NR2C1: variants seen among roughly 807,000 people sequenced by gnomAD.
The protein encoded by NR2C1 is nuclear receptor subfamily 2 group C member 1, also known as TR2 nuclear hormone receptor.
NR2C1 carries 33 observed loss-of-function variants against 74.8 expected under a neutral mutation model. The ratio of observed to expected loss-of-function variants is 0.44; its 90% CI spans 0.33 to 0.59. The LOEUF is 0.59. NR2C1 is among the 20% of genes least tolerant of loss of function. The pLI, the probability that NR2C1 is intolerant of heterozygous loss-of-function variation, is 0.02. For missense variants in NR2C1, 568 were observed against 715.6 expected, an observed-to-expected ratio of 0.79 and a Z score of 2.35; for synonymous variants, 225 against 240.6, an observed-to-expected ratio of 0.94 and a Z score of 0.60.
At chr12:95,060,152 T>TC (rs1874573785) in intron 3 of NR2C1, among the ~76,000 whole-genome samples, 168 bp from the exon 4 acceptor site, 1 of 152,112 alleles carries the variant, frequency 6.6e-6, no homozygotes, top group Admixed American at 6.6e-5. Flanking sequence ...TCAGAACCTT[T>TC]CCACATGTAA....
At chr12:95,040,241 A>G (rs1055292056) in intron 10 of NR2C1, among the ~76,000 whole-genome samples, 4 of 152,196 alleles carry the variant, frequency 2.6e-5, no homozygotes, top group African/African-American at 7.2e-5. Context: ...TCTACTGATC[A>G]TATTCCATCC....
At chr12:95,048,069 G>A (rs1012444146) in intron 9 of NR2C1, among the ~76,000 whole-genome samples, 1 of 152,118 alleles carries the variant, frequency 6.6e-6, no homozygotes, top group African/African-American at 2.4e-5. Flanking sequence ...TAAATAATTT[G>A]TATCTTTTTA....
At chr12:95,022,720 A>C (rs1392911074) in intron 13 of NR2C1, among the ~76,000 whole-genome samples, 1 of 134,386 alleles carries the variant, frequency 7.4e-6, no homozygotes, top group Non-Finnish European at 1.6e-5. Flanking sequence ...TTTTTTTGAG[A>C]GAGGGCCTCG....
At chr12:95,071,277 T>C (rs1241624399) in intron 1 of NR2C1, among the ~76,000 whole-genome samples, 1 of 152,188 alleles carries the variant, frequency 6.6e-6, no homozygotes, top group Non-Finnish European at 1.5e-5. Context: ...AATTATTTTG[T>C]AGACTAAGGT....
intron 1 of NR2C1, 50 bp from the exon 2 acceptor site, chr12:95,067,441 A>G: frequency 7.9e-7 from 1 of 1,259,706 alleles, no homozygotes; most frequent in African/African-American, 1.5e-5. Flanking sequence ...AAACACTCTT[A>G]TTAAATAATT....
chr12:95,057,805 T>G lies in NR2C1; in HGVS notation c.618A>C (p.Lys206Asn), dbSNP rs1403745201. The G allele has an allele frequency of 6.2e-7, 1 of 1,614,172 alleles. No individual in the cohort carries two copies. The highest frequency in any genetic ancestry group is 1.7e-5 in the Admixed American group (1 of 60,026). ...TACGAAGGTCCTTTCGGATATAGAT[T>G]TTTTCTGTTGAAGCGGCACAGTTGG... ...KSSNCAASTE[K>N]IYIRKDLRSP... Residue 206 changes from lysine (K) to asparagine (N), a missense_variant, in exon 6 of 14, where the codon AAA (lysine) becomes AAC (asparagine). Coordinates refer to ENST00000333003, the MANE Select transcript of NR2C1 (RefSeq NM_003297.4).
chr12:95,054,467 T>C (rs1198916496), intron 7 of NR2C1, among the ~76,000 whole-genome samples: 1 of 152,106 alleles, frequency 6.6e-6, no homozygotes, highest in African/African-American at 2.4e-5. Context: ...CCACCATGCC[T>C]GGGTAATTTT....
intron 9 of NR2C1, among the ~76,000 whole-genome samples, chr12:95,042,185 A>G (rs1403978436): frequency 6.6e-6 from 1 of 150,870 alleles, no homozygotes; most frequent in East Asian, 1.9e-4. Flanking sequence ...CTGGGGAATG[A>G]CTATTATAGC....
chr12:95,039,081 A>G (rs188465061), intron 10 of NR2C1, among the ~76,000 whole-genome samples: 19 of 152,178 alleles, frequency 1.2e-4, no homozygotes, highest in Admixed American at 1.1e-3. Flanking sequence ...AACAAAAAAA[A>G]CCCCAGAAAA....
chr12:95,029,603 G>A (rs34656650), intron 11 of NR2C1, among the ~76,000 whole-genome samples: 9,819 of 149,500 alleles, frequency 0.066, 395 homozygotes, highest in East Asian at 0.15. Flanking sequence ...TGTCGCCCAG[G>A]CTGGAGTGCA....
chr12:95,041,820 T>A (rs186005634), intron 9 of NR2C1, among the ~76,000 whole-genome samples: 2 of 152,328 alleles, frequency 1.3e-5, no homozygotes, highest in Admixed American at 6.5e-5. Context: ...AATACTTGCA[T>A]ACATGCACAA....
intron 1 of NR2C1, among the ~76,000 whole-genome samples, chr12:95,069,632 T>C (rs1368576863): frequency 6.6e-6 from 1 of 152,168 alleles, no homozygotes; most frequent in Non-Finnish European, 1.5e-5. Flanking sequence ...TCAGAACACA[T>C]CCCCATAACA....
At chr12:95,052,211 C>T (rs1307925896) in intron 7 of NR2C1, among the ~76,000 whole-genome samples, 3 of 151,126 alleles carry the variant, frequency 2.0e-5, no homozygotes, top group Admixed American at 6.6e-5. Flanking sequence ...GCTGGAGTGC[C>T]GTGGCATGAT....
At chr12:95,059,852 C>T (rs1388845901) in intron 4 of NR2C1, 54 bp downstream of exon 4, 2 of 1,261,316 alleles carry the variant, frequency 1.6e-6, no homozygotes, top group East Asian at 4.7e-5. Flanking sequence ...CAACACGACA[C>T]ATATAGGAGG....
At chr12:95,052,744 C>G (rs1448261469) in intron 7 of NR2C1, among the ~76,000 whole-genome samples, 1 of 152,000 alleles carries the variant, frequency 6.6e-6, no homozygotes, top group African/African-American at 2.4e-5. Context: ...ACTATACAAA[C>G]TATAAACTTG....
intron 1 of NR2C1, among the ~76,000 whole-genome samples, 185 bp from the exon 2 acceptor site, chr12:95,067,576 T>A (rs1345351814): frequency 7.2e-6 from 1 of 138,274 alleles, no homozygotes; most frequent in Non-Finnish European, 1.6e-5. Context: ...GTCTTTTTTA[T>A]TTTTTTTTTT....
Position 95,039,184 on chromosome 12 carries a change from A to G in NR2C1, c.1253+1292T>C, listed in dbSNP as rs980871413. On this transcript the variant is annotated intron_variant, in intron 10 of 13. Transcript: ENST00000333003. Reference sequence around the variant, plus strand: ...AATCAGGCTTTTAGTCTATGTAACTATAATATCTGAGCACATGATTTAATG... The same window carrying G: ...AATCAGGCTTTTAGTCTATGTAACTGTAATATCTGAGCACATGATTTAATG... Among the ~76,000 whole-genome samples the G allele has an allele frequency of 5.9e-5, 9 of 152,264 alleles. No homozygotes were observed. The East Asian group carries it at 1.5e-3, about 26-fold the overall frequency.
At chr12:95,030,678 A>G (rs753206966) in intron 11 of NR2C1, 1 of 1,605,762 alleles carries the variant, frequency 6.2e-7, no homozygotes, top group Non-Finnish European at 8.5e-7. Flanking sequence ...ATATAAAACA[A>G]TAAGAAATAG....
intron 4 of NR2C1, among the ~76,000 whole-genome samples, chr12:95,059,036 T>C (rs994986657): frequency 6.6e-6 from 1 of 152,074 alleles, no homozygotes; most frequent in Non-Finnish European, 1.5e-5. Flanking sequence ...GCGTGGTAAC[T>C]CACGCCTGTA....
Sources: gnomAD v4.1 joint callset for allele counts (sites outside exome capture counted in the v4.1 genomes callset) on GRCh38, gnomAD v4.1.1 for gene constraint, MANE v1.5 for transcripts, NCBI Gene and HGNC (gene_info 2026-07-23, HGNC 2026-07-21) for gene names.